The following SLC26A1 variants were observed in gnomAD, a reference collection of about 807,000 sequenced individuals.
SLC26A1 encodes solute carrier family 26 member 1.
Under a neutral mutation model 14.5 loss-of-function variants are expected in SLC26A1, and 18 were observed. The observed-to-expected ratio is 1.24, with a 90% CI of 0.86 to 1.84. The LOEUF is 1.84. SLC26A1 is among the 40% of genes most tolerant of loss of function. SLC26A1 has a pLI of 0.00. For synonymous variants in SLC26A1, 505 were observed against 492.0 expected (o/e 1.03, Z -0.35); for missense variants, 1,049 against 1,020.0 (o/e 1.03, Z -0.39).
Position 991,393 on chromosome 4 carries a change from G to T in SLC26A1, c.311C>A (p.Thr104Lys), listed in dbSNP as rs751574638. 4 of 1,612,836 alleles carry T rather than the reference G, an allele frequency of 2.5e-6. No individual in the cohort carries two copies. Among genetic ancestry groups the T allele is most frequent in the South Asian group, 1.1e-5 (1 of 91,088 alleles). ...AGLQPIYSLY[T>K]SFFANLIYFL... ...GTAGATGAGGTTGGCGAAGAAGGAC[G>T]TATAGAGGCTGTAGATGGGCTGCAG... The change falls in exon 2 of 3, where the codon ACG (threonine) becomes AAG (lysine). Residue 104 changes from threonine (T) to lysine (K), a missense_variant. Transcript: ENST00000398516.
Position 989,825 on chromosome 4 carries a change from GCA to G in SLC26A1, c.1112_1113del (p.Val371AlafsTer99), listed in dbSNP as rs1349422788. 2.5e-6 allele frequency: 4 copies of G among 1,579,572 alleles called. No homozygotes were observed. Among genetic ancestry groups the G allele is most frequent in the Non-Finnish European group, 3.4e-6 (4 of 1,163,752 alleles). ...EMFARSHGYSVRANQELLAVG... is the reference protein window; with the variant it reads ...EMFARSHGYSXRANQELLAVG... ...ACAGCCAGCAGCTCCTGGTTGGCAC[GCA>G]CAGAGTAGCCGTGACTGCGGGCGAA... is the stretch of plus-strand genomic sequence containing the variant. On this transcript the variant is annotated frameshift_variant, in exon 3 of 3. Coordinates refer to ENST00000398516, the MANE Select transcript of SLC26A1 (RefSeq NM_022042.4). LOFTEE classifies it low-confidence loss of function (END_TRUNC).
downstream of SLC26A1, among the ~76,000 whole-genome samples, chr4:984,629 G>A (rs1321053599): frequency 6.6e-6 from 1 of 151,976 alleles, no homozygotes; most frequent in African/African-American, 2.4e-5. Context: ...TCAGGAGGTC[G>A]AGACCAGCCT....
At chr4:986,753 T>C, downstream of SLC26A1, 3 of 490,576 alleles carry the variant, frequency 6.1e-6, no homozygotes, top group Non-Finnish European at 1.2e-5. Flanking sequence ...CAAGACTCTG[T>C]CTCAAAAACA....
In SLC26A1 at chr4:989,417, G is replaced by A. The variant is rs1714040970; in HGVS notation, c.1522C>T (p.Pro508Ser). ...ATGCGGGCCAGCAGGGCGGTGCGTG[G>A]GCGTTGGGTGCGGCCGGCCAGGCTG... ...LLSLAGRTQR[P>S]RTALLARIGD... Residue 508 changes from proline to serine, a missense_variant, in exon 3 of 3, where the codon CCA becomes TCA. By Grantham distance (74) the Pro-to-Ser change is moderately conservative. Coordinates refer to ENST00000398516, the MANE Select transcript of SLC26A1 (RefSeq NM_022042.4). The A allele has an allele frequency of 6.4e-6, 10 of 1,557,870 alleles. No homozygotes were observed. Among genetic ancestry groups the A allele is most frequent in the Non-Finnish European group, 6.9e-6 (8 of 1,151,280 alleles).
intron 1 of SLC26A1, chr4:992,207 G>A (rs529614618): frequency 1.1e-5 from 5 of 458,868 alleles, no homozygotes; most frequent in East Asian, 6.9e-5. Flanking sequence ...CAGCTGCTCC[G>A]TGTCCACCTC....
rs547332716 is a variant in SLC26A1 at position 982,455 on chromosome 4, G to T, written c.577-2951C>A. 5.3e-5 allele frequency among the ~76,000 whole-genome samples: 8 copies of T among 152,340 alleles called. No individual in the cohort carries two copies. In the South Asian group the frequency reaches 1.0e-3, roughly 20 times the overall value. On this transcript the variant is annotated intron_variant, in intron 2 of 2. Coordinates refer to the SLC26A1 transcript ENST00000398520. Reference sequence around the variant, plus strand: ...GGGACCCTCTGAGCGAAGAGAAATGGGTGCGTGCGTGAGGGTACGGTGCTG... The same window carrying T: ...GGGACCCTCTGAGCGAAGAGAAATGTGTGCGTGCGTGAGGGTACGGTGCTG...
downstream of SLC26A1, among the ~76,000 whole-genome samples, chr4:986,129 C>A (rs748547210): frequency 1.3e-5 from 2 of 152,014 alleles, no homozygotes; most frequent in Non-Finnish European, 2.9e-5. Flanking sequence ...ATCTCCCAGG[C>A]CGATTTCAAA....
At position 989,816 on chromosome 4, in the gene SLC26A1, G is replaced by A. The variant is rs1269281638; in HGVS notation, c.1123C>T (p.Gln375Ter). The change falls in exon 3 of 3, where the codon CAG (glutamine) becomes TAG (stop). Residue 375 changes from glutamine (Q) to a stop codon, truncating the protein, a stop_gained. Coordinates refer to ENST00000398516, the MANE Select transcript of SLC26A1 (RefSeq NM_022042.4). LOFTEE classifies it low-confidence loss of function (END_TRUNC). ...CAGCAGCCCACAGCCAGCAGCTCCT[G>A]GTTGGCACGCACAGAGTAGCCGTGA... is the stretch of plus-strand genomic sequence containing the variant. Reference protein sequence around the residue: ...RSHGYSVRANQELLAVGCCNV... With the variant: ...RSHGYSVRAN The A allele has an allele frequency of 6.3e-7, 1 of 1,579,868 alleles. No homozygotes were observed. The highest frequency in any genetic ancestry group is 1.2e-5 in the South Asian group (1 of 86,514).
chr4:989,619 G>A lies in SLC26A1; in HGVS notation c.1320C>T (p.Ser440=), dbSNP rs754470755. 5.2e-5 allele frequency: 83 copies of A among 1,601,414 alleles called. No homozygotes were observed. The Admixed American group carries it at 1.1e-3, about 22-fold the overall frequency. Residue 440 remains serine (S), a synonymous_variant, in exon 3 of 3, where the codon AGC becomes AGT. Transcript: ENST00000398516. ...LAPLFHDLQR[S]VLACVIVVSL... ...TGACCACGATGACGCAGGCCAGCACGCTTCGCTGTAGGTCGTGGAACAGCG... is the reference window on the plus strand; with the variant it reads ...TGACCACGATGACGCAGGCCAGCACACTTCGCTGTAGGTCGTGGAACAGCG...
rs142648939 is a variant in SLC26A1, at chr4:991,652, G to A, written c.52C>T (p.Arg18Ter). Reference protein sequence around the residue: ...LQQGRGPVPVRRQRPAPRGLR... With the variant: ...LQQGRGPVPV ...CCCCGGGGTGCTGGGCGCTGCCGTC[G>A]GACCGGCACCGGCCCTCTGCCCTGC... Residue 18 changes from arginine (R) to a stop codon, truncating the protein, a stop_gained, in exon 2 of 3, where the codon CGA becomes TGA. Coordinates refer to ENST00000398516, the MANE Select transcript of SLC26A1 (RefSeq NM_022042.4). LOFTEE classifies it high-confidence loss of function. 3.4e-5 allele frequency: 52 copies of A among 1,549,746 alleles called. No individual in the cohort carries two copies. Among genetic ancestry groups the A allele is most frequent in the South Asian group, 6.1e-5 (5 of 82,598 alleles).
chr4:985,578 T>G (rs181915006), downstream of SLC26A1, among the ~76,000 whole-genome samples: 13 of 152,296 alleles, frequency 8.5e-5, no homozygotes, highest in African/African-American at 3.1e-4. Flanking sequence ...TTCTCTGGGG[T>G]CGTTGGACTG....
chr4:992,348 T>TG, intron 1 of SLC26A1: 1 of 386,668 alleles, frequency 2.6e-6, no homozygotes. Flanking sequence ...ACCTGCCCTG[T>TG]GGGTCCTGGG....
chr4:987,113 T>G, downstream of SLC26A1: 8 of 1,447,410 alleles, frequency 5.5e-6, no homozygotes, highest in Non-Finnish European at 6.3e-6. Context: ...CGCGCCGCGC[T>G]GCTGGCGCTC....
In SLC26A1 at chr4:987,990, C is replaced by G. The variant is rs1353918621; in HGVS notation, c.*843G>C. 5.9e-6 allele frequency: 9 copies of G among 1,537,468 alleles called. No homozygotes were observed. The East Asian group carries it at 1.5e-4, about 25-fold the overall frequency. On this transcript the variant is annotated 3_prime_UTR_variant, in exon 3 of 3. Transcript: ENST00000398516. ...GGTCTGGGCGTCCCAGAGCCCCTTACAGAGGCACAGATGGGAGGGGAGGGC... is the reference window on the plus strand; with the variant it reads ...GGTCTGGGCGTCCCAGAGCCCCTTAGAGAGGCACAGATGGGAGGGGAGGGC...
At position 988,065 on chromosome 4, in the gene SLC26A1, C is replaced by A; in HGVS notation, c.*768G>T. ...GTTCCCCCACCTCCCGCCGAAGCAC[C>A]CTGTTGGGGAGAGCGTGTCCTTGCT... On this transcript the variant is annotated 3_prime_UTR_variant, in exon 3 of 3. Transcript: ENST00000398516. The A allele has an allele frequency of 6.8e-7, 1 of 1,468,076 alleles. No individual in the cohort carries two copies. The highest frequency in any genetic ancestry group is 1.4e-5 in the South Asian group (1 of 73,256). The allele number at this position is 1,468,076 out of a possible 1,614,324, so 90.9% of individuals were successfully genotyped here. A position where few individuals can be genotyped will look rare whatever the true frequency, so the allele number is the denominator to read the frequency against.
chr4:982,398 C>T (rs529177547), intron 2 of SLC26A1, among the ~76,000 whole-genome samples: 4 of 152,222 alleles, frequency 2.6e-5, no homozygotes, highest in East Asian at 1.9e-4. Flanking sequence ...GGTCACCTCC[C>T]GTAAACCCCT....
chr4:991,895 G>T (rs1410021862), intron 1 of SLC26A1, 165 bp from the exon 2 acceptor site: 3 of 1,252,866 alleles, frequency 2.4e-6, no homozygotes, highest in Non-Finnish European at 3.4e-6. Flanking sequence ...CCCCTGCCCG[G>T]TATGGATGGA....
In SLC26A1 at chr4:988,000, G is replaced by A. The variant is rs774683418; in HGVS notation, c.*833C>T. On this transcript the variant is annotated 3_prime_UTR_variant, in exon 3 of 3. Coordinates refer to ENST00000398516, the MANE Select transcript of SLC26A1 (RefSeq NM_022042.4). ...TCCCAGAGCCCCTTACAGAGGCACA[G>A]ATGGGAGGGGAGGGCTGGGGGCTGC... The A allele has an allele frequency of 3.9e-6, 6 of 1,525,524 alleles. No individual in the cohort carries two copies. In the South Asian group the frequency reaches 4.9e-5, roughly 12 times the overall value. 94.5% of individuals were successfully genotyped at this position (1,525,524 alleles called of 1,614,324 possible).
downstream of SLC26A1, chr4:987,575 T>C: frequency 7.3e-7 from 1 of 1,373,796 alleles, no homozygotes; most frequent in Non-Finnish European, 9.6e-7. Context: ...CCCGCCTTCC[T>C]GGCAGGGCCA....
Sources: gnomAD v4.1 joint callset for allele counts (sites outside exome capture counted in the v4.1 genomes callset) on GRCh38, gnomAD v4.1.1 for gene constraint, MANE v1.5 for transcripts, NCBI Gene and HGNC (gene_info 2026-07-23, HGNC 2026-07-21) for gene names.